The following DYRK1A variants were observed in gnomAD, a reference collection of about 807,000 sequenced individuals.
DYRK1A encodes the protein dual specificity tyrosine phosphorylation regulated kinase 1A, also known as dual specificity tyrosine-phosphorylation-regulated kinase 1A.
A neutral mutation model predicts 79.7 loss-of-function variants in DYRK1A; 9 were observed. That is an observed-to-expected ratio of 0.11 (90% CI 0.07 to 0.20). The LOEUF (loss-of-function observed/expected upper bound fraction) is 0.20. DYRK1A is among the 10% of genes least tolerant of loss of function. DYRK1A has a pLI of 1.00. For missense variants in DYRK1A, 622 were observed against 956.0 expected (o/e 0.65, Z 4.61); for synonymous variants, 349 against 329.7 (o/e 1.06, Z -0.63).
chr21:37,473,807 C>T (rs180913675), intron 3 of DYRK1A, among the ~76,000 whole-genome samples: 1 of 127,194 alleles, frequency 7.9e-6, no homozygotes, highest in Non-Finnish European at 1.6e-5. Flanking sequence ...TAAATCGTTA[C>T]AATAAGATGA....
intron 6 of DYRK1A, chr21:37,487,104 A>G (rs2052898625): frequency 1.3e-5 from 2 of 152,178 alleles, no homozygotes; most frequent in South Asian, 4.1e-4. Context: ...GAAAAGAGAT[A>G]ATAGCCACTG....
chr21:37,425,600 T>G (rs2050596600), intron 2 of DYRK1A: 1 of 152,232 alleles, frequency 6.6e-6, no homozygotes, highest in Non-Finnish European at 1.5e-5. Flanking sequence ...GGATTTTAGG[T>G]ATACTTATTA....
intron 1 of DYRK1A, among the ~76,000 whole-genome samples, chr21:37,414,870 C>T (rs1569302418): frequency 6.6e-6 from 1 of 152,134 alleles, no homozygotes; most frequent in Non-Finnish European, 1.5e-5. Flanking sequence ...AATGTTTTCA[C>T]ATTCTAAAGG....
intron 2 of DYRK1A, among the ~76,000 whole-genome samples, chr21:37,424,270 T>A (rs780346870): frequency 6.6e-6 from 1 of 152,180 alleles, no homozygotes; most frequent in Non-Finnish European, 1.5e-5. Context: ...TTCAATAAAT[T>A]TATTTTTCTA....
chr21:37,423,374 ATTTGGGGAACCTAGCAACCACTC>A (rs2050529130), intron 2 of DYRK1A, among the ~76,000 whole-genome samples: 1 of 152,074 alleles, frequency 6.6e-6, no homozygotes, highest in Admixed American at 6.6e-5. Context: ...ACACAACATC[ATTTGGGGAACCTAGCAACCACTC>A]TTTGCCCTTT....
intron 1 of DYRK1A, among the ~76,000 whole-genome samples, chr21:37,394,175 A>G (rs1284691370): frequency 6.7e-6 from 1 of 149,084 alleles, no homozygotes. Context: ...GTCTAATCCT[A>G]CTGACCGATT....
At chr21:37,403,525 G>GTGCAGTCA (rs2050090031) in intron 1 of DYRK1A, among the ~76,000 whole-genome samples, 1 of 151,706 alleles carries the variant, frequency 6.6e-6, no homozygotes, top group Admixed American at 6.6e-5. Flanking sequence ...TGGTGCAGTG[G>GTGCAGTCA]TGCAGTCATA....
chr21:37,467,835 A>G (rs2052083408), intron 2 of DYRK1A, among the ~76,000 whole-genome samples: 1 of 152,104 alleles, frequency 6.6e-6, no homozygotes, highest in African/African-American at 2.4e-5. Flanking sequence ...CCTCCTTTTT[A>G]AATCATCACT....
rs979240530 is a variant in DYRK1A, at chr21:37,520,072, T to C, written c.*7541T>C. The C allele has an allele frequency of 6.6e-6, 1 of 152,168 alleles. No individual in the cohort carries two copies. The highest frequency in any genetic ancestry group is 2.4e-5 in the African/African-American group (1 of 41,410). The allele number at this position is 152,168 out of a possible 1,614,324, so 9.4% of individuals were successfully genotyped here. On this transcript the variant is annotated 3_prime_UTR_variant, in exon 12 of 12. Coordinates refer to ENST00000647188, the MANE Select transcript of DYRK1A (RefSeq NM_001347721.2). ...TGCTTTGCCTTGATAAACTATATGA[T>C]ATTTAAATGTTTTATAAGGATGGGT...
At chr21:37,438,773 C>T (rs1004498415) in intron 2 of DYRK1A, among the ~76,000 whole-genome samples, 4 of 152,148 alleles carry the variant, frequency 2.6e-5, no homozygotes, top group Non-Finnish European at 4.4e-5. Flanking sequence ...CTACAACTTT[C>T]CTCTTATTCA....
At chr21:37,374,479 A>G (rs1423818701) in intron 1 of DYRK1A, among the ~76,000 whole-genome samples, 1 of 151,908 alleles carries the variant, frequency 6.6e-6, no homozygotes, top group African/African-American at 2.4e-5. Context: ...AGTCTTCTGG[A>G]GAACTTGTCA....
chr21:37,414,510 T>G (rs915820774), intron 1 of DYRK1A, among the ~76,000 whole-genome samples: 9 of 152,190 alleles, frequency 5.9e-5, no homozygotes, highest in South Asian at 2.1e-4. Flanking sequence ...ATAAGTCATC[T>G]CATGCAGTGA....
At chr21:37,420,421 A>G in intron 2 of DYRK1A, 37 bp downstream of exon 2, 10 of 1,607,566 alleles carry the variant, frequency 6.2e-6, no homozygotes, top group Non-Finnish European at 8.5e-6. Flanking sequence ...AACTCTGGCT[A>G]AGAGAATGTG....
intron 1 of DYRK1A, among the ~76,000 whole-genome samples, chr21:37,399,449 T>G (rs1221627583): frequency 1.3e-5 from 2 of 151,366 alleles, no homozygotes; most frequent in Non-Finnish European, 3.0e-5. Flanking sequence ...GAGTTTGTGG[T>G]AGGGGACCTT....
chr21:37,410,041 G>A (rs988346596), intron 1 of DYRK1A, among the ~76,000 whole-genome samples: 2 of 152,152 alleles, frequency 1.3e-5, no homozygotes, highest in African/African-American at 2.4e-5. Context: ...CCTACAAAAG[G>A]AACATGAATC....
chr21:37,507,387 T>C (rs1234695768), intron 11 of DYRK1A, among the ~76,000 whole-genome samples: 1 of 152,120 alleles, frequency 6.6e-6, no homozygotes, highest in Non-Finnish European at 1.5e-5. Context: ...GCCTCTCCCA[T>C]CTTAAGCAGC....
rs762959654 is a variant in DYRK1A at position 37,512,210 on chromosome 21, C to G, written c.1944C>G (p.Ser648=). The G allele has an allele frequency of 6.2e-7, 1 of 1,614,174 alleles. No individual in the cohort carries two copies. The highest frequency in any genetic ancestry group is 8.5e-7 in the Non-Finnish European group (1 of 1,180,020). ...EVGHSHHSMT[S]LSSSTTSSST... ...GCCACAGTCACCACTCCATGACATC[C>G]CTGTCTTCCTCAACGACTTCTTCCT... The change falls in exon 12 of 12, where the codon TCC becomes TCG. Residue 648 remains serine (S), a synonymous_variant. Transcript: ENST00000647188.
chr21:37,425,112 C>T (rs529263811), intron 2 of DYRK1A, among the ~76,000 whole-genome samples: 10 of 151,440 alleles, frequency 6.6e-5, no homozygotes, highest in Non-Finnish European at 1.3e-4. Context: ...TTGTTTAATA[C>T]GTTTATGGCA....
At chr21:37,471,956 C>T (rs1247235810) in intron 2 of DYRK1A, among the ~76,000 whole-genome samples, 1 of 152,024 alleles carries the variant, frequency 6.6e-6, no homozygotes, top group Non-Finnish European at 1.5e-5. Context: ...TTATTAGATA[C>T]CATTACTTTT....
Sources: allele counts gnomAD v4.1 joint callset (sites outside exome capture counted in the v4.1 genomes callset), GRCh38; gene constraint gnomAD v4.1.1; transcripts MANE v1.5; gene names NCBI Gene and HGNC (gene_info 2026-07-23, HGNC 2026-07-21).